PPP2R2B: variants seen among roughly 807,000 people sequenced by gnomAD.
The protein encoded by PPP2R2B is serine/threonine-protein phosphatase 2A 55 kDa regulatory subunit B beta isoform.
In PPP2R2B, 5 loss-of-function variants were observed where a neutral mutation model predicts 46.0. The observed-to-expected ratio is 0.11, with a 90% confidence interval of 0.06 to 0.23. PPP2R2B has a LOEUF of 0.23. PPP2R2B is among the 10% of genes least tolerant of loss of function. PPP2R2B has a pLI of 1.00. For synonymous variants in PPP2R2B, 215 were observed against 206.7 expected (o/e 1.04, Z -0.34); for missense variants, 367 against 575.0 (o/e 0.64, Z 3.70).
At position 146,843,945 on chromosome 5, in the gene PPP2R2B, T is replaced by C. The variant is rs373440818; in HGVS notation, c.70+34057A>G. Among the ~76,000 whole-genome samples the C allele has an allele frequency of 3.6e-3, 543 of 152,084 alleles. 8 individuals are homozygous for C. In the South Asian group the frequency reaches 0.038, roughly 11 times the overall value. On this transcript the variant is annotated intron_variant, in intron 2 of 9. Coordinates refer to ENST00000394411, the MANE Select transcript of PPP2R2B (RefSeq NM_181675.4). Reference sequence around the variant, plus strand: ...TGTGTCTTTATAGCAGCATGATTTATAGTCCTTTGTGTATATACCCAGTAA... The same window carrying C: ...TGTGTCTTTATAGCAGCATGATTTACAGTCCTTTGTGTATATACCCAGTAA...
intron 2 of PPP2R2B, among the ~76,000 whole-genome samples, chr5:146,745,212 G>C (rs1281494229): frequency 7.3e-6 from 1 of 136,342 alleles, no homozygotes; most frequent in Non-Finnish European, 1.6e-5. Flanking sequence ...GAGAGAAAGA[G>C]ACTATAAGCA....
At chr5:147,062,985 AGG>A (rs1561607778) in intron 2 of PPP2R2B, among the ~76,000 whole-genome samples, 1,004 of 67,544 alleles carry the variant, frequency 0.015, 72 homozygotes, top group East Asian at 0.05. Context: ...GGAGGGAGGG[AGG>A]GAGGGAGGGA....
At chr5:146,975,287 G>C (rs904737028) in intron 1 of PPP2R2B, among the ~76,000 whole-genome samples, 1 of 151,966 alleles carries the variant, frequency 6.6e-6, no homozygotes, top group African/African-American at 2.4e-5. Flanking sequence ...GGTTTATTTT[G>C]CTTTGCATAT....
chr5:146,990,282 G>A (rs114256827), intron 1 of PPP2R2B, among the ~76,000 whole-genome samples: 1,984 of 151,834 alleles, frequency 0.013, 47 homozygotes, highest in African/African-American at 0.045. Context: ...AATAAATTTT[G>A]AGCAAAAGCA....
chr5:146,918,598 T>G (rs1023420226), intron 1 of PPP2R2B, among the ~76,000 whole-genome samples: 11 of 152,196 alleles, frequency 7.2e-5, no homozygotes, highest in African/African-American at 2.4e-4. Flanking sequence ...CTCTCTGAGA[T>G]TCCACAAACT....
At chr5:146,976,127 T>G (rs2151851633) in intron 1 of PPP2R2B, among the ~76,000 whole-genome samples, 1 of 147,572 alleles carries the variant, frequency 6.8e-6, no homozygotes, top group Admixed American at 6.8e-5. Context: ...ATTATTATTA[T>G]TATTATTATT....
chr5:146,740,083 G>C (rs1752774047), intron 2 of PPP2R2B, among the ~76,000 whole-genome samples: 1 of 152,192 alleles, frequency 6.6e-6, no homozygotes, highest in Non-Finnish European at 1.5e-5. Flanking sequence ...CACAATAAAT[G>C]GGGATCCTTG....
intron 2 of PPP2R2B, among the ~76,000 whole-genome samples, chr5:146,838,230 A>C (rs544909802): frequency 1.3e-5 from 2 of 152,304 alleles, no homozygotes; most frequent in South Asian, 4.1e-4. Context: ...ATTTTATAAG[A>C]GAGAAATGTG....
chr5:146,851,945 C>T (rs1338058604), intron 2 of PPP2R2B, among the ~76,000 whole-genome samples: 5 of 151,882 alleles, frequency 3.3e-5, no homozygotes, highest in African/African-American at 1.2e-4. Context: ...CATTAAAATC[C>T]TTGAGGTCTA....
At position 146,878,284 on chromosome 5, in the gene PPP2R2B, C is replaced by G; in HGVS notation, c.-124-89G>C. 1 of 1,459,884 alleles carries G rather than the reference C, an allele frequency of 6.8e-7. No individual in the cohort carries two copies. Among genetic ancestry groups the G allele is most frequent in the East Asian group, 2.5e-5 (1 of 40,214 alleles). 90.4% of individuals were successfully genotyped at this position (1,459,884 alleles called of 1,614,324 possible). A position where few individuals can be genotyped will look rare whatever the true frequency, so the allele number is the denominator to read the frequency against. ...CCTCCACTCGGGTTCTGCGAGGCTG[C>G]GGCGGCTCCTCCCGCGCGGTGCGCT... is the stretch of plus-strand genomic sequence containing the variant. On this transcript the variant is annotated intron_variant, in intron 1 of 9. Transcript: ENST00000394411. The surrounding 1 kb of genome is among the most constrained non-coding windows in gnomAD (Gnocchi z 4.5).
At chr5:146,829,258 T>A (rs995121086) in intron 2 of PPP2R2B, among the ~76,000 whole-genome samples, 2 of 152,132 alleles carry the variant, frequency 1.3e-5, no homozygotes, top group African/African-American at 4.8e-5. Context: ...GCTAAGTAAA[T>A]AAGAAAAAAA....
At chr5:147,020,871 A>C (rs972745974) in intron 1 of PPP2R2B, among the ~76,000 whole-genome samples, 6 of 152,200 alleles carry the variant, frequency 3.9e-5, no homozygotes, top group African/African-American at 1.4e-4. Context: ...CATGAATACC[A>C]AGGGCTTAGG....
chr5:146,795,257 T>C (rs183466808), intron 2 of PPP2R2B, among the ~76,000 whole-genome samples: 2 of 152,238 alleles, frequency 1.3e-5, no homozygotes, highest in East Asian at 3.9e-4. Flanking sequence ...AATTGCAGCA[T>C]TATTCACAAT....
chr5:146,973,745 T>C lies in PPP2R2B; in HGVS notation c.79+81920A>G, dbSNP rs577029942. On this transcript the variant is annotated intron_variant, in intron 1 of 8. Coordinates refer to the PPP2R2B transcript ENST00000336640. ...AGAGGTAAGTGGTATAACCTACTTA[T>C]ATTTTTAAAACATCTTTGACAAGGT... Among the ~76,000 whole-genome samples, 5 of 152,156 alleles carry C rather than the reference T, an allele frequency of 3.3e-5. No individual in the cohort carries two copies. The East Asian group carries it at 7.7e-4, about 24-fold the overall frequency.
chr5:147,053,191 C>T (rs1325784542), intron 1 of PPP2R2B, among the ~76,000 whole-genome samples: 2 of 149,908 alleles, frequency 1.3e-5, no homozygotes, highest in Admixed American at 1.3e-4. Flanking sequence ...AGCTAAGATT[C>T]AAAACCTATG....
chr5:146,953,689 T>C (rs905005182), intron 1 of PPP2R2B, among the ~76,000 whole-genome samples: 2 of 152,172 alleles, frequency 1.3e-5, no homozygotes, highest in Non-Finnish European at 2.9e-5. Context: ...GTGTTAAACA[T>C]TGCACTGAGC....
chr5:146,740,647 A>T (rs566022723), intron 2 of PPP2R2B, among the ~76,000 whole-genome samples: 1 of 151,988 alleles, frequency 6.6e-6, no homozygotes, highest in African/African-American at 2.4e-5. Flanking sequence ...GATGGATGCC[A>T]TTAAAATATA....
intron 1 of PPP2R2B, among the ~76,000 whole-genome samples, chr5:146,886,825 AGT>A (rs961544055): frequency 6.6e-6 from 1 of 151,368 alleles, no homozygotes; most frequent in African/African-American, 2.4e-5. Context: ...AAACTTTTTT[AGT>A]AAAAAAAAAA....
intron 2 of PPP2R2B, among the ~76,000 whole-genome samples, chr5:146,724,212 T>C (rs1018069595): frequency 3.3e-5 from 5 of 152,128 alleles, no homozygotes; most frequent in African/African-American, 4.8e-5. Context: ...TCCCACATGA[T>C]TTCAAATCCA....
Sources: gnomAD v4.1 joint callset for allele counts (sites outside exome capture counted in the v4.1 genomes callset) on GRCh38, gnomAD v4.1.1 for gene constraint, Gnocchi (gnomAD v3.1) non-coding constraint, MANE v1.5 for transcripts, NCBI Gene and HGNC (gene_info 2026-07-23, HGNC 2026-07-21) for gene names.